PTBP3: variants seen among roughly 807,000 people sequenced by gnomAD.
PTBP3 encodes polypyrimidine tract-binding protein 3.
PTBP3 carries 20 observed loss-of-function variants against 58.7 expected under a neutral mutation model. The ratio of observed to expected loss-of-function variants is 0.34; its 90% CI spans 0.24 to 0.50. PTBP3 has a LOEUF of 0.50. PTBP3 is among the 20% of genes least tolerant of loss of function. The probability of loss-of-function intolerance (pLI) is 0.98; values close to 1 mark genes in which losing one functional copy is unlikely to be tolerated. For missense variants in PTBP3, 509 were observed against 637.2 expected (o/e 0.80, Z 2.17); for synonymous variants, 185 against 219.8 (o/e 0.84, Z 1.40).
intron 1 of PTBP3, among the ~76,000 whole-genome samples, chr9:112,305,658 C>T (rs1057477827): frequency 4.6e-5 from 7 of 152,052 alleles, no homozygotes; most frequent in South Asian, 2.1e-4. Flanking sequence ...TAAGAGCTTT[C>T]AGCCGGGCAC....
intron 5 of PTBP3, among the ~76,000 whole-genome samples, chr9:112,261,450 G>A (rs1836591161): frequency 6.6e-6 from 1 of 152,184 alleles, no homozygotes; most frequent in South Asian, 2.1e-4. Context: ...TTCGTAAAAT[G>A]TGAGCCTAGA....
intron 10 of PTBP3, among the ~76,000 whole-genome samples, chr9:112,229,958 A>G (rs1341973447): frequency 6.6e-6 from 1 of 152,208 alleles, no homozygotes; most frequent in Non-Finnish European, 1.5e-5. Context: ...ACTTGATTTT[A>G]TTACTGAAAA....
the PTBP3 span, among the ~76,000 whole-genome samples, chr9:112,360,190 AT>A: frequency 2.0e-5 from 3 of 151,618 alleles, no homozygotes; most frequent in Non-Finnish European, 1.5e-5. Context: ...ACCCAAAGGA[AT>A]TTTTTTTTCC....
At chr9:112,242,784 C>G (rs1011353334) in intron 7 of PTBP3, 1 of 152,226 alleles carries the variant, frequency 6.6e-6, no homozygotes, top group African/African-American at 2.4e-5. Context: ...CTCCTGGGCT[C>G]AAGTGATCCT....
At chr9:112,318,257 G>A (rs535563426) in intron 1 of PTBP3, among the ~76,000 whole-genome samples, 13 of 152,190 alleles carry the variant, frequency 8.5e-5, no homozygotes, top group African/African-American at 3.1e-4. Flanking sequence ...ACATGATCAT[G>A]TACATTAAAA....
chr9:112,333,611 A>G lies in PTBP3; in HGVS notation c.-193T>C. ...CGGAGCCCCGGCCGGTCCGAGGTGG[A>G]AGGAGAGTGGGAACAGGGGCGGGGA... is the stretch of plus-strand genomic sequence containing the variant. On this transcript the variant is annotated 5_prime_UTR_variant, in exon 1 of 14. Transcript: ENST00000374257. 9.3e-7 allele frequency: 1 copy of G among 1,071,986 alleles called. No homozygotes were observed. Among genetic ancestry groups the G allele is most frequent in the Admixed American group, 2.2e-5 (1 of 45,636 alleles). 66.4% of individuals were successfully genotyped at this position (1,071,986 alleles called of 1,614,324 possible).
Position 112,320,314 on chromosome 9 carries a change from A to ATATATATATATATATAT in PTBP3, c.-52+13155_-52+13156insATATATATATATATATA. On this transcript the variant is annotated intron_variant, in intron 1 of 13. Transcript: ENST00000374257. The stretch of plus-strand genomic sequence containing the variant: ...AAAATATATATATATATATATATAT[A>ATATATATATATATATAT]TTTTTTTTTAAGTGTTATCACCAGA... Among the ~76,000 whole-genome samples, 177 of 75,646 alleles carry ATATATATATATATATAT rather than the reference A, an allele frequency of 2.3e-3. 2 individuals carry two copies. Among genetic ancestry groups the ATATATATATATATATAT allele is most frequent in the African/African-American group, 8.7e-3 (130 of 14,882 alleles). The allele number at this position is 75,646 out of a possible 152,430, so 49.6% of individuals were successfully genotyped here. A position where few individuals can be genotyped will look rare whatever the true frequency, so the allele number is the denominator to read the frequency against.
chr9:112,369,344 C>T, the PTBP3 span, among the ~76,000 whole-genome samples: 4 of 152,160 alleles, frequency 2.6e-5, no homozygotes, highest in African/African-American at 4.8e-5. Context: ...GCTGGGAGGG[C>T]GTCTGTACCC....
chr9:112,332,383 A>ACCT (rs111551127), intron 1 of PTBP3, among the ~76,000 whole-genome samples: 76 of 151,964 alleles, frequency 5.0e-4, no homozygotes, highest in African/African-American at 1.7e-3. Flanking sequence ...GGAAGATTTC[A>ACCT]TCTTCAAATA....
intron 2 of PTBP3, among the ~76,000 whole-genome samples, chr9:112,297,621 A>T (rs1828746271): frequency 6.6e-6 from 1 of 152,234 alleles, no homozygotes; most frequent in South Asian, 2.1e-4. Context: ...AAACTGAATC[A>T]TCAAATTAGA....
intron 1 of PTBP3, among the ~76,000 whole-genome samples, chr9:112,324,325 C>G (rs1830068921): frequency 6.6e-6 from 1 of 151,950 alleles, no homozygotes; most frequent in African/African-American, 2.4e-5. Flanking sequence ...ATACAGCAAC[C>G]ACTAAAAAAA....
intron 2 of PTBP3, among the ~76,000 whole-genome samples, chr9:112,287,334 G>GTTTTTTTTTT (rs34426952): frequency 1.0e-5 from 1 of 96,082 alleles, no homozygotes; most frequent in Non-Finnish European, 1.9e-5. Context: ...TTCTTTTTCA[G>GTTTTTTTTTT]TTTTTTGTTT....
At chr9:112,296,918 G>A (rs1171946571) in intron 2 of PTBP3, among the ~76,000 whole-genome samples, 1 of 151,926 alleles carries the variant, frequency 6.6e-6, no homozygotes, top group Admixed American at 6.6e-5. Context: ...TCTTCTATAA[G>A]TTATTCAATT....
intron 2 of PTBP3, among the ~76,000 whole-genome samples, chr9:112,277,946 T>TAATATAAC (rs1564427648): frequency 6.3e-3 from 365 of 58,034 alleles, no homozygotes; most frequent in African/African-American, 0.016. Context: ...CATAACATAA[T>TAATATAAC]ATAACATAAC....
chr9:112,294,030 G>T (rs1412334533), intron 2 of PTBP3, among the ~76,000 whole-genome samples: 6 of 152,154 alleles, frequency 3.9e-5, no homozygotes, highest in Non-Finnish European at 7.3e-5. Flanking sequence ...GACCAAGTTG[G>T]TTTATTCCAG....
At chr9:112,270,373 C>A (rs973572776) in intron 3 of PTBP3, among the ~76,000 whole-genome samples, 4 of 152,202 alleles carry the variant, frequency 2.6e-5, no homozygotes, top group Admixed American at 2.6e-4. Flanking sequence ...CACATATCAA[C>A]ATGGTATCTA....
rs549715001 is a variant in PTBP3 at position 112,229,337 on chromosome 9, G to C, written c.1055-865C>G. 5.3e-5 allele frequency among the ~76,000 whole-genome samples: 8 copies of C among 152,238 alleles called. No individual in the cohort carries two copies. The South Asian group carries it at 1.7e-3, about 32-fold the overall frequency. The stretch of plus-strand genomic sequence containing the variant: ...CCAGCACTTTGGGAGGCCGAGGTGG[G>C]TGGATCACTTGAGGTCAGGAATTCG... On this transcript the variant is annotated intron_variant, in intron 10 of 13. Coordinates refer to ENST00000374257, the MANE Select transcript of PTBP3 (RefSeq NM_001163788.4).
In PTBP3 at chr9:112,268,018, A is replaced by G. The variant is rs115234753; in HGVS notation, c.351+31T>C. 2,248 of 1,578,696 alleles carry G rather than the reference A, an allele frequency of 1.4e-3. 35 individuals are homozygous for G. The African/African-American group carries it at 0.027, about 19-fold the overall frequency. Reference sequence around the variant, plus strand: ...AAGTTATCATACCATGTGTTCCCATACCTATTTTTAAAAACATCTTTAATA... The same window carrying G: ...AAGTTATCATACCATGTGTTCCCATGCCTATTTTTAAAAACATCTTTAATA... On this transcript the variant is annotated intron_variant, in intron 4 of 13. Transcript: ENST00000374257.
intron 3 of PTBP3, among the ~76,000 whole-genome samples, chr9:112,269,755 G>T (rs1827288303): frequency 1.3e-5 from 2 of 152,120 alleles, no homozygotes; most frequent in South Asian, 4.1e-4. Context: ...CTCAGCCTCT[G>T]AAAAGCATCC....
Sources: allele counts gnomAD v4.1 joint callset (sites outside exome capture counted in the v4.1 genomes callset), GRCh38; gene constraint gnomAD v4.1.1; transcripts MANE v1.5; gene names NCBI Gene and HGNC (gene_info 2026-07-23, HGNC 2026-07-21).